NT5DC3: variants seen among roughly 807,000 people sequenced by gnomAD.
The protein encoded by NT5DC3 is 5'-nucleotidase domain containing 3.
In NT5DC3, 42 loss-of-function variants were observed where a neutral mutation model predicts 67.8. The observed-to-expected ratio is 0.62, with a 90% confidence interval of 0.48 to 0.80. NT5DC3 has a LOEUF of 0.80. Among genes scored for constraint, NT5DC3 ranks in the 30% least tolerant of loss-of-function variants. The pLI is 0.00. For missense variants in NT5DC3, 570 were observed against 696.4 expected, an observed-to-expected ratio of 0.82 and a Z score of 2.04; for synonymous variants, 237 against 255.6, an observed-to-expected ratio of 0.93 and a Z score of 0.69.
chr12:103,801,914 C>T (rs1038412775), intron 4 of NT5DC3, among the ~76,000 whole-genome samples: 2 of 152,198 alleles, frequency 1.3e-5, no homozygotes, highest in Admixed American at 6.5e-5. Context: ...CCAGCTGCCC[C>T]TTAGGCAGGC....
chr12:103,828,696 C>CTTTTTTT (rs376961953), intron 1 of NT5DC3, among the ~76,000 whole-genome samples: 1 of 136,346 alleles, frequency 7.3e-6, no homozygotes, highest in African/African-American at 2.7e-5. Context: ...TTTTTTCTTT[C>CTTTTTTT]TTTTTATTTT....
At chr12:103,795,522 T>A (rs1291860223) in intron 6 of NT5DC3, among the ~76,000 whole-genome samples, 1 of 152,140 alleles carries the variant, frequency 6.6e-6, no homozygotes. Flanking sequence ...CTAAATTCAA[T>A]TTGGATAATA....
intron 1 of NT5DC3, among the ~76,000 whole-genome samples, chr12:103,840,708 C>T (rs548425524): frequency 6.6e-6 from 1 of 152,228 alleles, no homozygotes; most frequent in South Asian, 2.1e-4. Context: ...ATATATACAA[C>T]AGCTTTCCCG....
intron 11 of NT5DC3, 61 bp downstream of exon 11, chr12:103,787,380 A>T: frequency 1.3e-6 from 1 of 775,660 alleles, no homozygotes; most frequent in Admixed American, 2.6e-5. Context: ...TAAAAGATAC[A>T]TTCTTTAGTA....
At chr12:103,788,313 G>T (rs1885884142) in intron 10 of NT5DC3, among the ~76,000 whole-genome samples, 1 of 152,198 alleles carries the variant, frequency 6.6e-6, no homozygotes, top group South Asian at 2.1e-4. Flanking sequence ...GGGTGTGGTG[G>T]TGCATGCCTA....
intron 4 of NT5DC3, among the ~76,000 whole-genome samples, chr12:103,805,968 C>G (rs960686791): frequency 1.6e-4 from 24 of 152,182 alleles, no homozygotes; most frequent in African/African-American, 5.5e-4. Context: ...CATCAGGACC[C>G]TCCCTCAGCT....
chr12:103,769,078 C>T (rs190261829), downstream of NT5DC3, among the ~76,000 whole-genome samples: 2 of 152,258 alleles, frequency 1.3e-5, no homozygotes, highest in African/African-American at 4.8e-5. Flanking sequence ...TGGCTCAGAA[C>T]AGTGAGGAAC....
At chr12:103,786,700 T>TTTTTTGG (rs1885794547) in intron 11 of NT5DC3, among the ~76,000 whole-genome samples, 1 of 150,838 alleles carries the variant, frequency 6.6e-6, no homozygotes, top group Non-Finnish European at 1.5e-5. Context: ...TTTTTTTTTT[T>TTTTTTGG]GAGGCAGGGT....
intron 1 of NT5DC3, among the ~76,000 whole-genome samples, chr12:103,835,334 G>A (rs945069802): frequency 6.6e-6 from 1 of 152,194 alleles, no homozygotes; most frequent in African/African-American, 2.4e-5. Context: ...CACATTCTCA[G>A]GGGTAATAGG....
intron 1 of NT5DC3, among the ~76,000 whole-genome samples, chr12:103,820,263 A>C (rs886264209): frequency 1.3e-5 from 2 of 152,244 alleles, no homozygotes; most frequent in African/African-American, 4.8e-5. Context: ...CATACCTAGA[A>C]GGGGAATTCT....
At chr12:103,751,749 A>G in the NT5DC3 span, among the ~76,000 whole-genome samples, 2 of 152,182 alleles carry the variant, frequency 1.3e-5, no homozygotes, top group Non-Finnish European at 2.9e-5. Flanking sequence ...GCCCACTTCC[A>G]AGTGGAAATC....
chr12:103,768,295 C>T (rs1885073931), downstream of NT5DC3, among the ~76,000 whole-genome samples: 1 of 149,464 alleles, frequency 6.7e-6, no homozygotes, highest in Non-Finnish European at 1.5e-5. Context: ...ATTAGCCTGG[C>T]GTGGTGGTGC....
chr12:103,788,992 C>A, intron 9 of NT5DC3, 73 bp from the exon 10 acceptor site: 1 of 1,015,772 alleles, frequency 9.8e-7, no homozygotes, highest in South Asian at 1.3e-5. Context: ...ACCAGTTATT[C>A]ACTATCACAG....
intron 10 of NT5DC3, among the ~76,000 whole-genome samples, chr12:103,788,538 A>T (rs1305754102): frequency 6.6e-6 from 1 of 152,230 alleles, no homozygotes; most frequent in Admixed American, 6.5e-5. Context: ...GCCATGAGTA[A>T]GTGTTCCTTA....
Position 103,796,910 on chromosome 12 carries a change from A to G in NT5DC3, c.737T>C (p.Leu246Pro). 6.8e-6 allele frequency: 11 copies of G among 1,614,168 alleles called. No individual in the cohort carries two copies. The highest frequency in any genetic ancestry group is 9.3e-6 in the Non-Finnish European group (11 of 1,180,018). ...GGATACAACCTTGACATCTTTGTAC[A>G]GATGCACAGGCTCATAGTCGATGTT... ...KNNIDYEPVH[L>P]YKDVKDSIRD... Residue 246 changes from leucine to proline, a missense_variant, in exon 6 of 14, where the codon CTG becomes CCG. Leu to Pro is a moderately conservative substitution (Grantham distance 98, BLOSUM62 -3). Around this residue, in one of 2 missense-constraint regions of NT5DC3, gnomAD observed 466 missense variants for 608.0 expected, o/e 0.77. Transcript: ENST00000392876.
chr12:103,803,004 C>A (rs1396210473), intron 4 of NT5DC3, among the ~76,000 whole-genome samples: 2 of 152,100 alleles, frequency 1.3e-5, no homozygotes, highest in Admixed American at 6.5e-5. Context: ...GAGTGCCCTG[C>A]AGCAAACCCC....
chr12:103,751,754 G>A, the NT5DC3 span, among the ~76,000 whole-genome samples: 1 of 152,164 alleles, frequency 6.6e-6, no homozygotes, highest in Non-Finnish European at 1.5e-5. Context: ...CTTCCAAGTG[G>A]AAATCTACCC....
chr12:103,834,498 A>G (rs1027343452), intron 1 of NT5DC3, among the ~76,000 whole-genome samples: 46 of 152,306 alleles, frequency 3.0e-4, no homozygotes, highest in Non-Finnish European at 3.1e-4. Flanking sequence ...GCTATCCTGG[A>G]TGGCAGGCTG....
chr12:103,795,279 T>C (rs11111786), intron 6 of NT5DC3, among the ~76,000 whole-genome samples: 41,384 of 151,842 alleles, frequency 0.27, 6,115 homozygotes, highest in East Asian at 0.6. Flanking sequence ...GCCTACCTTA[T>C]ATTATTATGA....
Sources: allele counts gnomAD v4.1 joint callset (sites outside exome capture counted in the v4.1 genomes callset), GRCh38; gene constraint gnomAD v4.1.1; regional missense constraint gnomAD v4.1.1; transcripts MANE v1.5; gene names NCBI Gene and HGNC (gene_info 2026-07-23, HGNC 2026-07-21).